ATAT1: variants seen among roughly 807,000 people sequenced by gnomAD.
ATAT1 encodes the protein alpha tubulin acetyltransferase 1.
A neutral mutation model predicts 57.2 loss-of-function variants in ATAT1; 42 were observed. The observed-to-expected ratio is 0.73, with a 90% CI of 0.57 to 0.95. The LOEUF (loss-of-function observed/expected upper bound fraction) is 0.95, where lower values mean the gene tolerates loss of function less well. ATAT1 is among the 40% of genes least tolerant of loss of function. ATAT1 has a pLI of 0.00. For missense variants in ATAT1, 454 were observed against 523.7 expected (o/e 0.87, Z 1.30); for synonymous variants, 168 against 187.1 (o/e 0.90, Z 0.83).
chr6:30,641,664 T>G (rs1765485448), intron 8 of ATAT1: 1 of 478,354 alleles, frequency 2.1e-6, no homozygotes, highest in Non-Finnish European at 2.7e-6. Flanking sequence ...TTTTTTAACC[T>G]AATAAAACTT....
chr6:30,642,833 G>GGGGGGGGGCCGCCC lies in ATAT1; in HGVS notation c.754_755insGGGGGGGGCCGCCC (p.Ala252GlyfsTer72). On this transcript the variant is annotated frameshift_variant, in exon 10 of 13. Coordinates refer to ENST00000330083, the MANE Select transcript of ATAT1 (RefSeq NM_001031722.4). LOFTEE classifies it high-confidence loss of function. Reference sequence around the variant, plus strand: ...GGCCCCTCGCCGCGCCACACCTCCAGCCCACCCACCCCCCCGCTCCAGCAG... The same window carrying GGGGGGGGGCCGCCC: ...GGCCCCTCGCCGCGCCACACCTCCAGGGGGGGGGCCGCCCCCCACCCACCCCCCCGCTCCAGCAG... The GGGGGGGGGCCGCCC allele has an allele frequency of 2.0e-6, 3 of 1,537,876 alleles. No individual in the cohort carries two copies. The highest frequency in any genetic ancestry group is 1.6e-5 in the African/African-American group (1 of 61,252).
At chr6:30,635,945 C>T (rs1763980251) in intron 6 of ATAT1, among the ~76,000 whole-genome samples, 1 of 152,058 alleles carries the variant, frequency 6.6e-6, no homozygotes, top group African/African-American at 2.4e-5. Flanking sequence ...GATGGGAGAA[C>T]AAATAGCATT....
chr6:30,635,652 T>C lies in ATAT1; in HGVS notation c.502-4725T>C, dbSNP rs532064696. On this transcript the variant is annotated intron_variant, in intron 6 of 12. Coordinates refer to ENST00000330083, the MANE Select transcript of ATAT1 (RefSeq NM_001031722.4). ...TGACCTCAAAGGCCACTGAAGAAAG[T>C]GTTTCCAGGAGGAAGGAATGGTTTA... Among the ~76,000 whole-genome samples, 110 of 150,724 alleles carry C rather than the reference T, an allele frequency of 7.3e-4. 1 individual carries two copies. The highest frequency in any genetic ancestry group is 2.3e-3 in the African/African-American group (95 of 40,988).
chr6:30,641,061 C>T lies in ATAT1; in HGVS notation c.616+458C>T, dbSNP rs557088182. On this transcript the variant is annotated intron_variant, in intron 8 of 12. Coordinates refer to ENST00000330083, the MANE Select transcript of ATAT1 (RefSeq NM_001031722.4). ...AGATAATGAAATTGATATGGAGAAACCAAACCTCAGAGGCACTAAAATGCT... is the reference window on the plus strand; with the variant it reads ...AGATAATGAAATTGATATGGAGAAATCAAACCTCAGAGGCACTAAAATGCT... Among the ~76,000 whole-genome samples, 7 of 151,948 alleles carry T rather than the reference C, an allele frequency of 4.6e-5. No homozygotes were observed. In the East Asian group the frequency reaches 1.4e-3, roughly 29 times the overall value.
chr6:30,638,045 T>C (rs1025887477), intron 6 of ATAT1, among the ~76,000 whole-genome samples: 4 of 151,988 alleles, frequency 2.6e-5, no homozygotes, highest in Admixed American at 2.0e-4. Context: ...GGCTGGCTGA[T>C]TTTTTGTATT....
chr6:30,642,338 T>C (rs1765630897), intron 9 of ATAT1, 91 bp downstream of exon 9: 2 of 1,557,454 alleles, frequency 1.3e-6, no homozygotes, highest in South Asian at 2.2e-5. Flanking sequence ...GGATTCGTTC[T>C]CTCTAAAGAC....
chr6:30,635,726 C>G (rs1042487825), intron 6 of ATAT1, among the ~76,000 whole-genome samples: 1 of 152,122 alleles, frequency 6.6e-6, no homozygotes. Flanking sequence ...GAGAAGTTAC[C>G]ATTGGATTTA....
intron 10 of ATAT1, among the ~76,000 whole-genome samples, chr6:30,644,917 C>G (rs1766363512): frequency 6.6e-6 from 1 of 152,172 alleles, no homozygotes; most frequent in Admixed American, 6.5e-5. Context: ...TCATTCCCTC[C>G]AGGAACCTCC....
chr6:30,627,110 C>T lies in ATAT1; in HGVS notation c.-94C>T. 6.3e-7 allele frequency: 1 copy of T among 1,580,250 alleles called. No homozygotes were observed. The highest frequency in any genetic ancestry group is 8.6e-7 in the Non-Finnish European group (1 of 1,161,790). ...CGCCCCTTTTGATGTCCAGGCCTGC[C>T]TTTTTGGTGACCTCTGACCCTGGGC... On this transcript the variant is annotated 5_prime_UTR_variant, in exon 1 of 13. Transcript: ENST00000330083.
intron 6 of ATAT1, among the ~76,000 whole-genome samples, chr6:30,632,829 C>T (rs1281514652): frequency 1.3e-5 from 2 of 150,520 alleles, no homozygotes; most frequent in East Asian, 2.0e-4. Flanking sequence ...CCCAGCTACT[C>T]GGGAGACTGA....
intron 6 of ATAT1, among the ~76,000 whole-genome samples, chr6:30,631,847 T>G (rs1762949351): frequency 6.6e-6 from 1 of 151,948 alleles, no homozygotes; most frequent in South Asian, 2.1e-4. Context: ...AGACAGAAGG[T>G]ACCACCAGTG....
chr6:30,644,634 T>C, intron 10 of ATAT1: 1 of 985,168 alleles, frequency 1.0e-6, no homozygotes, highest in Non-Finnish European at 1.2e-6. Flanking sequence ...CTTTTGTGTT[T>C]TCTAAATTGA....
chr6:30,637,711 C>G (rs1457483795), intron 6 of ATAT1, among the ~76,000 whole-genome samples: 1 of 151,352 alleles, frequency 6.6e-6, no homozygotes, highest in Non-Finnish European at 1.5e-5. Context: ...GACGCATTGG[C>G]TCGCGCCTGT....
intron 6 of ATAT1, chr6:30,633,699 G>T: frequency 4.7e-6 from 1 of 213,280 alleles, no homozygotes; most frequent in East Asian, 1.2e-4. Context: ...AAGTTGTGGA[G>T]GAGGCAGAAA....
intron 6 of ATAT1, among the ~76,000 whole-genome samples, chr6:30,633,180 G>T (rs867814296): frequency 6.6e-6 from 1 of 152,220 alleles, no homozygotes; most frequent in African/African-American, 2.4e-5. Flanking sequence ...GCAGCTGGAA[G>T]AATGAAGTTG....
intron 10 of ATAT1, chr6:30,644,284 CAG>C: frequency 1.0e-6 from 1 of 985,780 alleles, no homozygotes; most frequent in Non-Finnish European, 1.2e-6. Flanking sequence ...AGAGTAGATC[CAG>C]AGTGTCAAGG....
chr6:30,640,316 T>C, intron 6 of ATAT1, 61 bp from the exon 7 acceptor site: 2 of 1,569,874 alleles, frequency 1.3e-6, no homozygotes, highest in Non-Finnish European at 1.8e-6. Flanking sequence ...GACGTATTTC[T>C]CAGAATGTAT....
chr6:30,631,442 TC>T (rs757272918), intron 6 of ATAT1, among the ~76,000 whole-genome samples: 12 of 151,756 alleles, frequency 7.9e-5, no homozygotes, highest in Non-Finnish European at 1.6e-4. Context: ...GCCACTGCAC[TC>T]CAGCCTGGGT....
At chr6:30,641,957 G>T in intron 8 of ATAT1, 1 of 1,398,046 alleles carries the variant, frequency 7.2e-7, no homozygotes. Context: ...CTAGCTCTGT[G>T]TTTGGCCTAC....
Sources: gnomAD v4.1 joint callset for allele counts (sites outside exome capture counted in the v4.1 genomes callset) on GRCh38, gnomAD v4.1.1 for gene constraint, MANE v1.5 for transcripts, NCBI Gene and HGNC (gene_info 2026-07-23, HGNC 2026-07-21) for gene names.